Variants in PLRG1 observed in about 807,000 individuals in gnomAD.
PLRG1 encodes pleiotropic regulator 1.
A neutral mutation model predicts 74.9 loss-of-function variants in PLRG1; 28 were observed. That is an observed-to-expected ratio of 0.37 (90% CI 0.28 to 0.51). The LOEUF is 0.51. Ranked by LOEUF, PLRG1 falls within the 20% of genes least tolerant of loss-of-function variation. PLRG1 has a pLI of 0.91. For missense variants in PLRG1, 445 were observed against 631.9 expected (o/e 0.70, Z 3.17); for synonymous variants, 197 against 212.4 (o/e 0.93, Z 0.63).
chr4:154,547,684 T>G, intron 3 of PLRG1, 27 bp downstream of exon 3: 2 of 1,594,276 alleles, frequency 1.3e-6, no homozygotes, highest in South Asian at 2.2e-5. Flanking sequence ...CATATAAGTC[T>G]GACATTTCTG....
Position 154,548,935 on chromosome 4 carries a change from C to G in PLRG1, c.10G>C (p.Glu4Gln). 6.5e-7 allele frequency: 1 copy of G among 1,539,176 alleles called. No individual in the cohort carries two copies. Among genetic ancestry groups the G allele is most frequent in the Non-Finnish European group, 9.0e-7 (1 of 1,112,150 alleles). The change falls in exon 2 of 15, where the codon GAG (glutamate) becomes CAG (glutamine). Residue 4 changes from glutamate to glutamine, a missense_variant and splice_region_variant. Transcript: ENST00000499023. Reference protein sequence around the residue: MVEEVQKHSVHTLV... With the variant: MVEQVQKHSVHTLV... ...GTGTGTACAGAATGTTTCTGTACCT[C>G]CTAAAAAAAAAGAATGTAATTACAC... is the stretch of plus-strand genomic sequence containing the variant.
rs746217255 is a variant in PLRG1, at chr4:154,542,155, G to A, written c.687+32C>T. On this transcript the variant is annotated intron_variant, in intron 8 of 14. Transcript: ENST00000499023. The stretch of plus-strand genomic sequence containing the variant: ...ATTAAACTTACATGACAAACACAAA[G>A]TCATGTTTATTTTTTCTTCCTTCAT... The A allele has an allele frequency of 9.4e-6, 12 of 1,280,302 alleles. No individual in the cohort carries two copies. In the Admixed American group the frequency reaches 1.2e-4, roughly 13 times the overall value. 79.3% of individuals were successfully genotyped at this position (1,280,302 alleles called of 1,614,324 possible).
At position 154,535,496 on chromosome 4, in the gene PLRG1, A is replaced by C. The variant is rs1456201251; in HGVS notation, c.*1189T>G. ...TAAAGGCTGTGACAATTATACTCCC[A>C]CCTATGGCATACAAGATGGGTAATG... On this transcript the variant is annotated 3_prime_UTR_variant, in exon 15 of 15. Coordinates refer to ENST00000499023, the MANE Select transcript of PLRG1 (RefSeq NM_002669.4). 1 of 150,108 alleles carries C rather than the reference A, an allele frequency of 6.7e-6. No individual in the cohort carries two copies. Among genetic ancestry groups the C allele is most frequent in the East Asian group, 2.0e-4 (1 of 5,124 alleles). The allele number at this position is 150,108 out of a possible 1,614,324, so 9.3% of individuals were successfully genotyped here. A position where few individuals can be genotyped will look rare whatever the true frequency, so the allele number is the denominator to read the frequency against.
chr4:154,549,325 A>C (rs1484109749), intron 1 of PLRG1, among the ~76,000 whole-genome samples: 2 of 152,358 alleles, frequency 1.3e-5, no homozygotes, highest in African/African-American at 4.8e-5. Flanking sequence ...TGAAGGCAAC[A>C]AGCAAGGCGC....
Position 154,547,694 on chromosome 4 carries a change from GATAATACC to G in PLRG1, c.259+9_259+16del. On this transcript the variant is annotated intron_variant, in intron 3 of 14. Transcript: ENST00000499023. ...ATTCACATATAAGTCTGACATTTCT[GATAATACC>G]ATACTCACCTTGATTGGCAGGGTAC... The G allele has an allele frequency of 6.2e-7, 1 of 1,601,740 alleles. No individual in the cohort carries two copies. Among genetic ancestry groups the G allele is most frequent in the Non-Finnish European group, 8.5e-7 (1 of 1,171,806 alleles).
rs565882056 is a variant in PLRG1 at position 154,547,998 on chromosome 4, C to T, written c.117-145G>A. ...GAATCAAAAATTTCCAAGGGCATTT[C>T]CCCACCATATCTGTTCTTTTGCTTA... On this transcript the variant is annotated intron_variant, in intron 2 of 14. Coordinates refer to ENST00000499023, the MANE Select transcript of PLRG1 (RefSeq NM_002669.4). 1.5e-4 allele frequency: 90 copies of T among 590,020 alleles called. No homozygotes were observed. The South Asian group carries it at 2.2e-3, about 14-fold the overall frequency. 36.5% of individuals were successfully genotyped at this position (590,020 alleles called of 1,614,324 possible). A position where few individuals can be genotyped will look rare whatever the true frequency, so the allele number is the denominator to read the frequency against.
chr4:154,540,205 A>C, intron 10 of PLRG1, 152 bp from the exon 11 acceptor site: 1 of 601,052 alleles, frequency 1.7e-6, no homozygotes, highest in Non-Finnish European at 2.9e-6. Context: ...TGATTTACAA[A>C]CTGGAGGACG....
rs1472451046 is a variant in PLRG1, at chr4:154,542,174, C to T, written c.687+13G>A. On this transcript the variant is annotated intron_variant, in intron 8 of 14. Transcript: ENST00000499023. ...CACAAAGTCATGTTTATTTTTTCTTCCTTCATTATTACCTTTATAGTTCTG... is the reference window on the plus strand; with the variant it reads ...CACAAAGTCATGTTTATTTTTTCTTTCTTCATTATTACCTTTATAGTTCTG... The T allele has an allele frequency of 2.1e-6, 3 of 1,458,894 alleles. No homozygotes were observed. The highest frequency in any genetic ancestry group is 1.7e-5 in the Admixed American group (1 of 59,452). 90.4% of individuals were successfully genotyped at this position (1,458,894 alleles called of 1,614,324 possible).
rs961345304 is a variant in PLRG1, at chr4:154,546,320, C to T, written c.314-107G>A. On this transcript the variant is annotated intron_variant, in intron 4 of 14. Coordinates refer to ENST00000499023, the MANE Select transcript of PLRG1 (RefSeq NM_002669.4). ...ACATACACCAAATGTTTATTATCTC[C>T]AGGCAGTGATATTATACAAATTTGA... 3 of 650,216 alleles carry T rather than the reference C, an allele frequency of 4.6e-6. No individual in the cohort carries two copies. In the South Asian group the frequency reaches 5.6e-5, roughly 12 times the overall value. The allele number at this position is 650,216 out of a possible 1,614,324, so 40.3% of individuals were successfully genotyped here.
At chr4:154,541,157 C>A (rs1185261447) in intron 8 of PLRG1, among the ~76,000 whole-genome samples, 1 of 152,038 alleles carries the variant, frequency 6.6e-6, no homozygotes, top group Non-Finnish European at 1.5e-5. Context: ...AAAAGGTTAA[C>A]CTTCTTGTTA....
intron 3 of PLRG1, 169 bp downstream of exon 3, chr4:154,547,542 T>A (rs1729680286): frequency 1.6e-6 from 1 of 631,726 alleles, no homozygotes; most frequent in African/African-American, 1.8e-5. Flanking sequence ...AAAAAAGTCA[T>A]CAACAGTATT....
intron 8 of PLRG1, among the ~76,000 whole-genome samples, chr4:154,541,238 TAAAG>T (rs980938237): frequency 1.9e-4 from 29 of 152,252 alleles, no homozygotes; most frequent in African/African-American, 5.8e-4. Flanking sequence ...GGCAACAACT[TAAAG>T]AAATCCTAAA....
chr4:154,547,306 A>G (rs957077762), intron 3 of PLRG1, among the ~76,000 whole-genome samples: 1 of 151,940 alleles, frequency 6.6e-6, no homozygotes, highest in African/African-American at 2.4e-5. Context: ...GTGACAATCC[A>G]CTCTGGTATT....
At chr4:154,547,444 C>T (rs1472874288) in intron 3 of PLRG1, 3 of 511,678 alleles carry the variant, frequency 5.9e-6, no homozygotes, top group African/African-American at 5.8e-5. Flanking sequence ...GAATATTCTC[C>T]AATTTTTTCC....
chr4:154,540,531 C>T (rs760731109), intron 10 of PLRG1, 63 bp downstream of exon 10: 20 of 1,083,368 alleles, frequency 1.8e-5, no homozygotes, highest in African/African-American at 6.2e-5. Flanking sequence ...ACACTGAAAC[C>T]GAAAGTGCAC....
chr4:154,541,682 G>A (rs1287254469), intron 8 of PLRG1, among the ~76,000 whole-genome samples: 3 of 152,086 alleles, frequency 2.0e-5, no homozygotes, highest in Admixed American at 6.5e-5. Flanking sequence ...ACAGGAATAT[G>A]CCTTTGATAC....
chr4:154,549,167 T>C lies in PLRG1; in HGVS notation c.10-232A>G, dbSNP rs548005202. The C allele has an allele frequency of 8.1e-4, 412 of 508,212 alleles. 1 individual carries two copies. The highest frequency in any genetic ancestry group is 1.2e-3 in the Non-Finnish European group (328 of 269,352). The allele number at this position is 508,212 out of a possible 1,614,324, so 31.5% of individuals were successfully genotyped here. The stretch of plus-strand genomic sequence containing the variant: ...TGATGCCGGAGTTTAACTTACTCAA[T>C]AAATATTTACTGAGCTCCTACTGTG... On this transcript the variant is annotated intron_variant, in intron 1 of 14. Transcript: ENST00000499023.
At chr4:154,538,776 G>A (rs533614816) in intron 12 of PLRG1, among the ~76,000 whole-genome samples, 6 of 152,172 alleles carry the variant, frequency 3.9e-5, no homozygotes, top group African/African-American at 1.4e-4. Flanking sequence ...TTCAATGAAT[G>A]TCTCAGTGTC....
rs1729538391 is a variant in PLRG1, at chr4:154,540,583, A to G, written c.939+11T>C. 6.4e-7 allele frequency: 1 copy of G among 1,566,734 alleles called. No homozygotes were observed. Among genetic ancestry groups the G allele is most frequent in the Non-Finnish European group, 8.8e-7 (1 of 1,137,000 alleles). ...TATTTACAGATAAATACACAACTCTATCCCATTTACCCGTGCAGTTGAATC... is the reference window on the plus strand; with the variant it reads ...TATTTACAGATAAATACACAACTCTGTCCCATTTACCCGTGCAGTTGAATC... On this transcript the variant is annotated intron_variant, in intron 10 of 14. Transcript: ENST00000499023.
Sources: gnomAD v4.1 joint callset for allele counts (sites outside exome capture counted in the v4.1 genomes callset) on GRCh38, gnomAD v4.1.1 for gene constraint, MANE v1.5 for transcripts, NCBI Gene and HGNC (gene_info 2026-07-23, HGNC 2026-07-21) for gene names.